REEP3: variants seen among roughly 807,000 people sequenced by gnomAD.
The protein encoded by REEP3 is receptor accessory protein 3.
Under a neutral mutation model 41.3 loss-of-function variants are expected in REEP3, and 20 were observed. The observed-to-expected ratio is 0.48, with a 90% confidence interval of 0.34 to 0.70. The LOEUF (loss-of-function observed/expected upper bound fraction) is 0.70, where lower values mean the gene tolerates loss of function less well. Among genes scored for constraint, REEP3 ranks in the 30% least tolerant of loss-of-function variants. The probability of loss-of-function intolerance (pLI) is 0.01; values close to 1 mark genes in which losing one functional copy is unlikely to be tolerated. For missense variants in REEP3, 271 were observed against 308.8 expected, an observed-to-expected ratio of 0.88 and a Z score of 0.92; for synonymous variants, 104 against 101.8, an observed-to-expected ratio of 1.02 and a Z score of -0.13.
chr10:63,606,060 C>G, intron 5 of REEP3: 1 of 827,328 alleles, frequency 1.2e-6, no homozygotes, highest in Non-Finnish European at 1.5e-6. Context: ...ACTTAATTAC[C>G]TGGACTTTTA....
intron 1 of REEP3, among the ~76,000 whole-genome samples, chr10:63,523,295 G>T (rs532883380): frequency 6.6e-6 from 1 of 152,146 alleles, no homozygotes; most frequent in South Asian, 2.1e-4. Flanking sequence ...GGGATATCTG[G>T]TTGGAGAATC....
At chr10:63,600,520 T>C (rs1956162914) in intron 5 of REEP3, among the ~76,000 whole-genome samples, 1 of 152,144 alleles carries the variant, frequency 6.6e-6, no homozygotes, top group South Asian at 2.1e-4. Context: ...AATAGCAAAG[T>C]TTTCAGCTTA....
chr10:63,601,938 AAAAT>A (rs1023020901), intron 5 of REEP3, among the ~76,000 whole-genome samples: 98 of 151,406 alleles, frequency 6.5e-4, no homozygotes, highest in African/African-American at 2.0e-3. Flanking sequence ...TACTAATAAT[AAAAT>A]AAATAAATAA....
intron 6 of REEP3, among the ~76,000 whole-genome samples, chr10:63,617,812 CTT>C (rs60910642): frequency 0.18 from 14,706 of 82,864 alleles, 1,657 homozygotes; most frequent in Non-Finnish European, 0.21. Context: ...TCCTTCTACT[CTT>C]TTTTTTTTTT....
chr10:63,624,400 C>T lies in REEP3; in HGVS notation c.*3531C>T, dbSNP rs1339770495. On this transcript the variant is annotated 3_prime_UTR_variant, in exon 8 of 8. Transcript: ENST00000373758. ...TTTTAAGACATTGACCATGACTTAA[C>T]ATTTTGCCTTCTAACACCTTTTAAA... is the stretch of plus-strand genomic sequence containing the variant. 1.3e-5 allele frequency: 2 copies of T among 152,206 alleles called. No homozygotes were observed. The highest frequency in any genetic ancestry group is 2.4e-5 in the African/African-American group (1 of 41,564). The allele number at this position is 152,206 out of a possible 1,614,324, so 9.4% of individuals were successfully genotyped here.
chr10:63,573,859 TTAA>T (rs1310009655), intron 2 of REEP3, among the ~76,000 whole-genome samples: 3 of 152,214 alleles, frequency 2.0e-5, no homozygotes, highest in African/African-American at 7.2e-5. Flanking sequence ...TTTAAAGGTT[TTAA>T]TAATTTAGAA....
chr10:63,545,094 G>A (rs866198272), intron 1 of REEP3, among the ~76,000 whole-genome samples: 8 of 152,290 alleles, frequency 5.3e-5, no homozygotes, highest in Middle Eastern at 6.8e-3. Context: ...GACAGAATTA[G>A]CTATTTGAAG....
intron 1 of REEP3, among the ~76,000 whole-genome samples, chr10:63,548,188 T>A (rs986936789): frequency 1.3e-5 from 2 of 152,210 alleles, no homozygotes; most frequent in African/African-American, 4.8e-5. Context: ...TCTCCTGAGA[T>A]GACCCTTTAC....
intron 1 of REEP3, among the ~76,000 whole-genome samples, chr10:63,549,553 T>C (rs1955608940): frequency 6.6e-6 from 1 of 152,182 alleles, no homozygotes; most frequent in Non-Finnish European, 1.5e-5. Context: ...GGTGACGTTG[T>C]CGAAGGGAAT....
At chr10:63,544,107 A>G (rs1955555507) in intron 1 of REEP3, among the ~76,000 whole-genome samples, 1 of 152,208 alleles carries the variant, frequency 6.6e-6, no homozygotes, top group Non-Finnish European at 1.5e-5. Flanking sequence ...CCTTGTAAAA[A>G]GGCCCCAGTC....
At chr10:63,536,484 A>T (rs531587837) in intron 1 of REEP3, among the ~76,000 whole-genome samples, 5 of 152,324 alleles carry the variant, frequency 3.3e-5, no homozygotes, top group African/African-American at 1.2e-4. Context: ...GCTAATTAGA[A>T]ACTCATATTG....
chr10:63,562,091 C>T (rs1472504500), intron 1 of REEP3, among the ~76,000 whole-genome samples: 1 of 151,990 alleles, frequency 6.6e-6, no homozygotes, highest in Non-Finnish European at 1.5e-5. Context: ...CCTTAGATGT[C>T]TCTAAACTGA....
intron 1 of REEP3, among the ~76,000 whole-genome samples, chr10:63,539,110 C>T (rs888911121): frequency 7.2e-5 from 11 of 151,980 alleles, no homozygotes; most frequent in South Asian, 2.1e-4. Flanking sequence ...TACAGTTGCC[C>T]GAAATACCAA....
intron 1 of REEP3, among the ~76,000 whole-genome samples, chr10:63,526,039 A>G (rs1955361520): frequency 6.6e-6 from 1 of 152,224 alleles, no homozygotes; most frequent in Non-Finnish European, 1.5e-5. Flanking sequence ...AGAAAAAGGA[A>G]AAACATGCTC....
At chr10:63,557,741 A>T (rs1225523474) in intron 1 of REEP3, among the ~76,000 whole-genome samples, 2 of 152,228 alleles carry the variant, frequency 1.3e-5, no homozygotes, top group African/African-American at 4.8e-5. Flanking sequence ...TTGATATGTT[A>T]AATTATAAAG....
At chr10:63,582,203 T>A (rs1955961269) in intron 2 of REEP3, among the ~76,000 whole-genome samples, 1 of 152,240 alleles carries the variant, frequency 6.6e-6, no homozygotes, top group Non-Finnish European at 1.5e-5. Context: ...TCCAACAGGC[T>A]TCCAGGTGAT....
At chr10:63,618,894 G>A (rs1251330261) in intron 6 of REEP3, among the ~76,000 whole-genome samples, 2 of 152,222 alleles carry the variant, frequency 1.3e-5, no homozygotes, top group Non-Finnish European at 2.9e-5. Flanking sequence ...CTTCCTGACT[G>A]TGTGGATGTT....
chr10:63,524,801 C>T (rs533412092), intron 1 of REEP3, among the ~76,000 whole-genome samples: 4 of 152,208 alleles, frequency 2.6e-5, no homozygotes, highest in South Asian at 4.1e-4. Flanking sequence ...CCCTTCTGAG[C>T]TTCAGTCTTC....
Position 63,610,351 on chromosome 10 carries a change from T to C in REEP3, c.565+17T>C, listed in dbSNP as rs1197313582. The C allele has an allele frequency of 6.4e-7, 1 of 1,550,586 alleles. No homozygotes were observed. On this transcript the variant is annotated intron_variant, in intron 6 of 7. Transcript: ENST00000373758. ...AATCAGCAGGTGTGCTTGTGTGTTT[T>C]AATATACGGTTCTTTTACATGGAAA...
Sources: allele counts gnomAD v4.1 joint callset (sites outside exome capture counted in the v4.1 genomes callset), GRCh38; gene constraint gnomAD v4.1.1; transcripts MANE v1.5; gene names NCBI Gene and HGNC (gene_info 2026-07-23, HGNC 2026-07-21).